Variants in TRIM71 observed in about 807,000 individuals in gnomAD.
TRIM71 encodes tripartite motif containing 71.
A neutral mutation model predicts 61.2 loss-of-function variants in TRIM71; 9 were observed. That is an observed-to-expected ratio of 0.15 (90% confidence interval 0.09 to 0.26). TRIM71 has a LOEUF of 0.26. Ranked by LOEUF, TRIM71 falls within the 10% of genes least tolerant of loss-of-function variation. The probability of loss-of-function intolerance (pLI) is 1.00; values close to 1 mark genes in which losing one functional copy is unlikely to be tolerated. For synonymous variants in TRIM71, 645 were observed against 553.2 expected, an observed-to-expected ratio of 1.17 and a Z score of -2.33; for missense variants, 998 against 1,238.7, an observed-to-expected ratio of 0.81 and a Z score of 2.92.
intron 1 of TRIM71, among the ~76,000 whole-genome samples, chr3:32,839,080 C>T (rs1696373486): frequency 6.6e-6 from 1 of 152,028 alleles, no homozygotes; most frequent in South Asian, 2.1e-4. Context: ...AGCCGCCATG[C>T]CCAGCCTTGA....
chr3:32,875,416 C>T (rs1236541446), intron 2 of TRIM71, among the ~76,000 whole-genome samples: 1 of 152,108 alleles, frequency 6.6e-6, no homozygotes, highest in Non-Finnish European at 1.5e-5. Flanking sequence ...GTGACTTTTC[C>T]CTGTGTTATA....
intron 1 of TRIM71, among the ~76,000 whole-genome samples, chr3:32,823,965 C>T (rs1323255668): frequency 6.6e-6 from 1 of 151,726 alleles, no homozygotes; most frequent in African/African-American, 2.4e-5. Context: ...GTCCCAGCTA[C>T]CCAGGAGGCT....
intron 1 of TRIM71, among the ~76,000 whole-genome samples, chr3:32,820,331 T>C (rs1696113814): frequency 6.6e-6 from 1 of 152,244 alleles, no homozygotes; most frequent in Admixed American, 6.5e-5. Context: ...TGGAAAAAAG[T>C]TGAAATTCTA....
At chr3:32,884,423 C>T (rs971943409) in intron 2 of TRIM71, among the ~76,000 whole-genome samples, 3 of 151,742 alleles carry the variant, frequency 2.0e-5, no homozygotes, top group African/African-American at 4.8e-5. Flanking sequence ...ACAGGCCAGG[C>T]GCAGTGGCTC....
chr3:32,861,835 T>C (rs796123940), intron 1 of TRIM71, among the ~76,000 whole-genome samples: 6 of 152,190 alleles, frequency 3.9e-5, no homozygotes, highest in African/African-American at 1.4e-4. Flanking sequence ...CAAATCTCCG[T>C]AATTCACAGA....
intron 1 of TRIM71, among the ~76,000 whole-genome samples, chr3:32,862,132 T>A (rs1171926423): frequency 1.3e-5 from 2 of 152,274 alleles, no homozygotes; most frequent in African/African-American, 4.8e-5. Flanking sequence ...CTAGGCCTTA[T>A]CAACCAATAG....
At chr3:32,831,030 T>G (rs773714640) in intron 1 of TRIM71, among the ~76,000 whole-genome samples, 3 of 152,200 alleles carry the variant, frequency 2.0e-5, no homozygotes, top group Admixed American at 2.0e-4. Context: ...CAGGCTGGTC[T>G]CAGGTAATCC....
At chr3:32,854,902 G>A (rs548293323) in intron 1 of TRIM71, among the ~76,000 whole-genome samples, 1 of 152,272 alleles carries the variant, frequency 6.6e-6, no homozygotes, top group East Asian at 1.9e-4. Flanking sequence ...GTTGTACAGT[G>A]ATCTCCCTTA....
At chr3:32,826,418 A>G (rs1696202160) in intron 1 of TRIM71, among the ~76,000 whole-genome samples, 1 of 152,110 alleles carries the variant, frequency 6.6e-6, no homozygotes, top group Non-Finnish European at 1.5e-5. Flanking sequence ...AGTCTGGGCG[A>G]TAGAACAAGA....
At chr3:32,870,332 C>T (rs1383807746) in intron 1 of TRIM71, among the ~76,000 whole-genome samples, 1 of 152,168 alleles carries the variant, frequency 6.6e-6, no homozygotes, top group Non-Finnish European at 1.5e-5. Context: ...CATTCTTTTA[C>T]TCACTGGTAG....
At chr3:32,849,235 T>C (rs1339898742) in intron 1 of TRIM71, among the ~76,000 whole-genome samples, 1 of 152,200 alleles carries the variant, frequency 6.6e-6, no homozygotes, top group African/African-American at 2.4e-5. Context: ...TGTTTCATGG[T>C]GAAGGTAGAG....
intron 1 of TRIM71, among the ~76,000 whole-genome samples, chr3:32,832,915 C>T (rs934973594): frequency 6.6e-6 from 1 of 151,918 alleles, no homozygotes; most frequent in African/African-American, 2.4e-5. Context: ...TGGCTCACGC[C>T]TTAATCCCAG....
At chr3:32,851,011 A>G (rs574144175) in intron 1 of TRIM71, among the ~76,000 whole-genome samples, 6 of 152,338 alleles carry the variant, frequency 3.9e-5, no homozygotes, top group African/African-American at 7.2e-5. Flanking sequence ...TTATTTTTCA[A>G]AACAAGCCTC....
At chr3:32,841,221 G>A (rs1417636834) in intron 1 of TRIM71, among the ~76,000 whole-genome samples, 1 of 152,148 alleles carries the variant, frequency 6.6e-6, no homozygotes, top group African/African-American at 2.4e-5. Flanking sequence ...CTCCAGCCTG[G>A]GCGACAGAGC....
At chr3:32,826,239 A>G (rs1446622036) in intron 1 of TRIM71, among the ~76,000 whole-genome samples, 1 of 152,188 alleles carries the variant, frequency 6.6e-6, no homozygotes, top group Non-Finnish European at 1.5e-5. Context: ...TGGGCAGATC[A>G]CATAAGGCCC....
rs1375255975 is a variant in TRIM71, at chr3:32,818,053, C to T, written c.-28C>T. The T allele has an allele frequency of 6.9e-6, 11 of 1,604,916 alleles. No homozygotes were observed. The highest frequency in any genetic ancestry group is 1.7e-5 in the Admixed American group (1 of 59,680). Reference sequence around the variant, plus strand: ...CCTCCTCCTCCTCTTCCTCTCTGGTCTCCTCCCTCCTCCGGGCTGGGTTGC... The same window carrying T: ...CCTCCTCCTCCTCTTCCTCTCTGGTTTCCTCCCTCCTCCGGGCTGGGTTGC... On this transcript the variant is annotated 5_prime_UTR_variant, in exon 1 of 4. Coordinates refer to ENST00000383763, the MANE Select transcript of TRIM71 (RefSeq NM_001039111.3).
At chr3:32,881,847 G>A (rs945401282) in intron 2 of TRIM71, among the ~76,000 whole-genome samples, 2 of 152,158 alleles carry the variant, frequency 1.3e-5, no homozygotes, top group South Asian at 2.1e-4. Flanking sequence ...TGGCTGGGTC[G>A]TGCGTAATTT....
At chr3:32,853,342 C>A (rs112764530) in intron 1 of TRIM71, among the ~76,000 whole-genome samples, 1 of 152,124 alleles carries the variant, frequency 6.6e-6, no homozygotes, top group Non-Finnish European at 1.5e-5. Context: ...TGGTCTCGAT[C>A]TCCTGACCTC....
At chr3:32,884,170 T>TA (rs1268847096) in intron 2 of TRIM71, among the ~76,000 whole-genome samples, 1 of 152,074 alleles carries the variant, frequency 6.6e-6, no homozygotes, top group African/African-American at 2.4e-5. Context: ...AGGCTGGTCT[T>TA]AAACTCCTGA....
Sources: allele counts gnomAD v4.1 joint callset (sites outside exome capture counted in the v4.1 genomes callset), GRCh38; gene constraint gnomAD v4.1.1; transcripts MANE v1.5; gene names NCBI Gene and HGNC (gene_info 2026-07-23, HGNC 2026-07-21).